The following CFAP43 variants were observed in gnomAD, a reference collection of about 807,000 sequenced individuals.
CFAP43 encodes the protein cilia and flagella associated protein 43.
Under a neutral mutation model 218.9 loss-of-function variants are expected in CFAP43, and 155 were observed. The observed-to-expected ratio is 0.71, with a 90% CI of 0.62 to 0.81. The LOEUF is 0.81. Among genes scored for constraint, CFAP43 ranks in the 30% least tolerant of loss-of-function variants. CFAP43 has a pLI of 0.00. For synonymous variants in CFAP43, 645 were observed against 681.3 expected, an observed-to-expected ratio of 0.95 and a Z score of 0.83; for missense variants, 1,778 against 1,954.3, an observed-to-expected ratio of 0.91 and a Z score of 1.70.
rs1432529719 is a variant in CFAP43 at position 104,142,399 on chromosome 10, G to T, written c.4159-6C>A. 6.2e-7 allele frequency: 1 copy of T among 1,609,802 alleles called. No individual in the cohort carries two copies. Among genetic ancestry groups the T allele is most frequent in the Non-Finnish European group, 8.5e-7 (1 of 1,177,450 alleles). ...TCAGCTGCTTTCTGCTTTACCTAAA[G>T]AAACCAAGCCAGAAACATGTCAGAA... On this transcript the variant is annotated splice_region_variant and splice_polypyrimidine_tract_variant and intron_variant, in intron 32 of 37. Coordinates refer to ENST00000357060, the MANE Select transcript of CFAP43 (RefSeq NM_025145.7).
intron 4 of CFAP43, 34 bp from the exon 5 acceptor site, chr10:104,212,191 G>C (rs367764847): frequency 6.3e-7 from 1 of 1,588,618 alleles, no homozygotes; most frequent in Non-Finnish European, 8.6e-7. Flanking sequence ...ACAATGAGAT[G>C]AACAGAAACT....
At chr10:104,205,701 C>T (rs1350549428) in intron 7 of CFAP43, among the ~76,000 whole-genome samples, 6 of 151,940 alleles carry the variant, frequency 3.9e-5, no homozygotes, top group Admixed American at 2.0e-4. Context: ...TTTTTCATTG[C>T]GGAAGGGCAA....
chr10:104,203,735 T>TTCA lies in CFAP43; in HGVS notation c.1029_1031dup (p.Ile343_Glu344insAsp). ...AAAATGTCATATGTTCTACAGGTCT[T>TTCA]TCAATCTCAAGAAAATCCTCGATCA... On this transcript the variant is annotated inframe_insertion, in exon 8 of 38. Coordinates refer to ENST00000357060, the MANE Select transcript of CFAP43 (RefSeq NM_025145.7). 1 of 1,611,656 alleles carries TTCA rather than the reference T, an allele frequency of 6.2e-7. No individual in the cohort carries two copies. The highest frequency in any genetic ancestry group is 8.5e-7 in the Non-Finnish European group (1 of 1,178,962).
Position 104,146,331 on chromosome 10 carries a change from C to T in CFAP43, c.3787G>A (p.Val1263Ile). 1 of 1,613,652 alleles carries T rather than the reference C, an allele frequency of 6.2e-7. No individual in the cohort carries two copies. Among genetic ancestry groups the T allele is most frequent in the South Asian group, 1.1e-5 (1 of 91,068 alleles). Residue 1263 changes from valine to isoleucine, a missense_variant, in exon 30 of 38, where the codon GTT (valine) becomes ATT (isoleucine). By Grantham distance (29) the Val-to-Ile change is conservative. This residue lies in a region of CFAP43 where 1,553 missense variants were observed against 1,685.2 expected (regional missense o/e 0.92). Transcript: ENST00000357060. ...TCCAGGTCTTCTCTAGATTTCCGAACAGCTTCTGAAGTCTGGCTCTATAAC... is the reference window on the plus strand; with the variant it reads ...TCCAGGTCTTCTCTAGATTTCCGAATAGCTTCTGAAGTCTGGCTCTATAAC... ...QHEKSQTSEA[V>I]RKSREDLDVC...
intron 28 of CFAP43, among the ~76,000 whole-genome samples, chr10:104,152,313 G>T (rs1589649756): frequency 6.6e-6 from 1 of 152,128 alleles, no homozygotes; most frequent in East Asian, 1.9e-4. Context: ...ACTGATTTTT[G>T]AGCTGGGATC....
chr10:104,231,541 G>C (rs1476526043), intron 1 of CFAP43, among the ~76,000 whole-genome samples: 1 of 152,144 alleles, frequency 6.6e-6, no homozygotes, highest in African/African-American at 2.4e-5. Context: ...TGGTGGAAAA[G>C]GCAAGTGAAG....
intron 27 of CFAP43, among the ~76,000 whole-genome samples, chr10:104,158,524 G>A (rs1241952372): frequency 6.6e-6 from 1 of 151,984 alleles, no homozygotes; most frequent in Non-Finnish European, 1.5e-5. Context: ...AATAAGCCTC[G>A]ATTTTTAAAA....
At chr10:104,145,621 T>C in intron 30 of CFAP43, 57 bp from the exon 31 acceptor site, 1 of 1,163,486 alleles carries the variant, frequency 8.6e-7, no homozygotes, top group Non-Finnish European at 1.2e-6. Context: ...CTTTTATTTG[T>C]TGACAATACT....
chr10:104,168,095 G>A (rs1475282009), intron 21 of CFAP43, among the ~76,000 whole-genome samples: 2 of 152,116 alleles, frequency 1.3e-5, no homozygotes, highest in Non-Finnish European at 2.9e-5. Flanking sequence ...ATAGAGGCCA[G>A]AGATGTTGCT....
chr10:104,213,815 G>A (rs1430180335), intron 4 of CFAP43, among the ~76,000 whole-genome samples: 1 of 152,162 alleles, frequency 6.6e-6, no homozygotes, highest in Non-Finnish European at 1.5e-5. Context: ...GACTACAGGC[G>A]TGAGCCACTG....
At chr10:104,166,378 A>C (rs2089153237) in intron 23 of CFAP43, 110 bp downstream of exon 23, 1 of 789,536 alleles carries the variant, frequency 1.3e-6, no homozygotes, top group African/African-American at 1.7e-5. Context: ...AGCCTCCTCT[A>C]TGTATTTTTA....
chr10:104,202,407 C>A (rs1277821534), intron 8 of CFAP43, among the ~76,000 whole-genome samples: 1 of 152,172 alleles, frequency 6.6e-6, no homozygotes, highest in Non-Finnish European at 1.5e-5. Context: ...CCTCTTAAAT[C>A]TGTAAATTCA....
intron 21 of CFAP43, among the ~76,000 whole-genome samples, 198 bp downstream of exon 21, chr10:104,168,546 G>A (rs2089277443): frequency 6.6e-6 from 1 of 152,230 alleles, no homozygotes; most frequent in South Asian, 2.1e-4. Flanking sequence ...TGCTGGCTGG[G>A]AAGCACACGG....
rs544819988 is a variant in CFAP43, at chr10:104,232,283, C to T, written c.-37G>A. 4.5e-5 allele frequency: 70 copies of T among 1,564,910 alleles called. No homozygotes were observed. The East Asian group carries it at 1.6e-3, about 36-fold the overall frequency. ...TCCTCAGGCGGGAGCAGGCAGCGCA[C>T]GCAGCACCCCAGGGCGGGTCGGTTA... On this transcript the variant is annotated 5_prime_UTR_variant, in exon 1 of 38. The change creates a new upstream start codon in the 5' untranslated region. Coordinates refer to ENST00000357060, the MANE Select transcript of CFAP43 (RefSeq NM_025145.7).
At chr10:104,192,860 C>G (rs2090271951) in intron 11 of CFAP43, 1 of 157,840 alleles carries the variant, frequency 6.3e-6, no homozygotes, top group Non-Finnish European at 1.4e-5. Flanking sequence ...GGTGGTGGAG[C>G]TGGGCAGTCC....
chr10:104,157,736 A>ATGTGTGTGTGTG (rs71485761), intron 27 of CFAP43, among the ~76,000 whole-genome samples: 43 of 107,214 alleles, frequency 4.0e-4, no homozygotes, highest in African/African-American at 1.8e-3. Context: ...AGCTAACTGG[A>ATGTGTGTGTGTG]TGTGTGTGTG....
intron 31 of CFAP43, among the ~76,000 whole-genome samples, chr10:104,144,477 C>T (rs2087861357): frequency 6.6e-6 from 1 of 152,090 alleles, no homozygotes; most frequent in Non-Finnish European, 1.5e-5. Flanking sequence ...GGTGAAACTC[C>T]GTCTCTACTA....
At position 104,219,401 on chromosome 10, in the gene CFAP43, T is replaced by C. The variant is rs562653279; in HGVS notation, c.417-4975A>G. 5.9e-5 allele frequency among the ~76,000 whole-genome samples: 9 copies of C among 152,218 alleles called. No homozygotes were observed. The East Asian group carries it at 1.3e-3, about 23-fold the overall frequency. The stretch of plus-strand genomic sequence containing the variant: ...CCTCCTAATTGATGTTCATGCCTTG[T>C]TTCCTTCCAATATACCTTCCACAGT... On this transcript the variant is annotated intron_variant, in intron 3 of 37. Coordinates refer to ENST00000357060, the MANE Select transcript of CFAP43 (RefSeq NM_025145.7).
intron 8 of CFAP43, among the ~76,000 whole-genome samples, chr10:104,203,169 A>T (rs1379099981): frequency 3.3e-5 from 5 of 152,162 alleles, no homozygotes; most frequent in African/African-American, 9.7e-5. Context: ...TATGCATTTG[A>T]CTTAGGCCTG....
Sources: gnomAD v4.1 joint callset for allele counts (sites outside exome capture counted in the v4.1 genomes callset) on GRCh38, gnomAD v4.1.1 for gene constraint, gnomAD v4.1.1 regional missense constraint, MANE v1.5 for transcripts, NCBI Gene and HGNC (gene_info 2026-07-23, HGNC 2026-07-21) for gene names.